DCDC2: variants seen among roughly 807,000 people sequenced by gnomAD.
DCDC2 encodes the protein doublecortin domain containing 2.
A neutral mutation model predicts 50.2 loss-of-function variants in DCDC2; 40 were observed. That is an observed-to-expected ratio of 0.80 (90% CI 0.62 to 1.04). The LOEUF (loss-of-function observed/expected upper bound fraction) is 1.04. DCDC2 is among the 50% of genes least tolerant of loss of function. DCDC2 has a pLI of 0.00. For synonymous variants in DCDC2, 234 were observed against 210.6 expected (o/e 1.11, Z -0.96); for missense variants, 570 against 581.9 (o/e 0.98, Z 0.21).
At chr6:24,190,772 T>G (rs2113750458) in intron 8 of DCDC2, among the ~76,000 whole-genome samples, 1 of 152,328 alleles carries the variant, frequency 6.6e-6, no homozygotes. Flanking sequence ...GAGCAATGTT[T>G]GTTAATGCCT....
chr6:24,283,669 G>A (rs1290960389), intron 6 of DCDC2, among the ~76,000 whole-genome samples: 1 of 152,142 alleles, frequency 6.6e-6, no homozygotes, highest in Non-Finnish European at 1.5e-5. Flanking sequence ...CCTCCTCGCA[G>A]TGCCAGGCAG....
At chr6:24,281,515 G>A in intron 6 of DCDC2, among the ~76,000 whole-genome samples, 1 of 148,350 alleles carries the variant, frequency 6.7e-6, no homozygotes, top group Non-Finnish European at 1.5e-5. Context: ...AAAAAGGAGG[G>A]TGAAGGGGGA....
At chr6:24,210,052 G>C (rs143231436) in intron 7 of DCDC2, among the ~76,000 whole-genome samples, 3,676 of 133,254 alleles carry the variant, frequency 0.028, 152 homozygotes, top group African/African-American at 0.094. Flanking sequence ...GTGTGTGTGT[G>C]TGTCTGTCTG....
intron 8 of DCDC2, among the ~76,000 whole-genome samples, chr6:24,202,187 C>T (rs1761604021): frequency 6.6e-6 from 1 of 150,438 alleles, no homozygotes; most frequent in Non-Finnish European, 1.5e-5. Context: ...AACAGAAGAA[C>T]ATTTCAGGCC....
At chr6:24,224,051 C>T (rs940663917) in intron 7 of DCDC2, among the ~76,000 whole-genome samples, 2 of 151,888 alleles carry the variant, frequency 1.3e-5, no homozygotes, top group African/African-American at 2.4e-5. Flanking sequence ...CACAGATTCC[C>T]GCCAACCCTC....
chr6:24,230,094 A>G (rs1762308225), intron 7 of DCDC2, among the ~76,000 whole-genome samples: 1 of 152,194 alleles, frequency 6.6e-6, no homozygotes, highest in African/African-American at 2.4e-5. Flanking sequence ...CTTAAAACAT[A>G]AAGTTTTTAA....
intron 2 of DCDC2, among the ~76,000 whole-genome samples, chr6:24,334,061 T>C (rs754591252): frequency 3.3e-4 from 50 of 152,322 alleles, no homozygotes; most frequent in Non-Finnish European, 1.6e-4. Flanking sequence ...TTCTAGTTTG[T>C]AGTTATTGCT....
chr6:24,232,738 T>G (rs1762362330), intron 7 of DCDC2, among the ~76,000 whole-genome samples: 2 of 152,036 alleles, frequency 1.3e-5, no homozygotes, highest in African/African-American at 4.8e-5. Context: ...AACATGGAGC[T>G]CTCTATAGCT....
chr6:24,189,043 G>C (rs562831343), intron 8 of DCDC2, among the ~76,000 whole-genome samples: 23 of 152,200 alleles, frequency 1.5e-4, no homozygotes, highest in African/African-American at 5.5e-4. Flanking sequence ...ATAAGTAATT[G>C]CTCGTAATAT....
At chr6:24,238,962 G>C (rs1018484840) in intron 7 of DCDC2, among the ~76,000 whole-genome samples, 3 of 152,170 alleles carry the variant, frequency 2.0e-5, no homozygotes, top group African/African-American at 4.8e-5. Flanking sequence ...AGCTTTAAAA[G>C]CTTTGTTGTA....
chr6:24,212,153 C>T (rs566961051), intron 7 of DCDC2, among the ~76,000 whole-genome samples: 1 of 152,292 alleles, frequency 6.6e-6, no homozygotes, highest in African/African-American at 2.4e-5. Flanking sequence ...GAGAGTCTAA[C>T]TAATGTCTCA....
At chr6:24,333,904 C>G (rs1330460458) in intron 2 of DCDC2, among the ~76,000 whole-genome samples, 2 of 152,076 alleles carry the variant, frequency 1.3e-5, no homozygotes, top group East Asian at 3.9e-4. Flanking sequence ...GGAGTTATAA[C>G]TGATGGGCAT....
At position 24,357,458 on chromosome 6, in the gene DCDC2, TTGAG is replaced by T. The variant is rs764351945; in HGVS notation, c.289_292del (p.Leu97IlefsTer5). 2.4e-5 allele frequency: 39 copies of T among 1,599,124 alleles called. No individual in the cohort carries two copies. Among genetic ancestry groups the T allele is most frequent in the Non-Finnish European group, 3.1e-5 (36 of 1,171,476 alleles). On this transcript the variant is annotated frameshift_variant and splice_region_variant, in exon 1 of 10. Coordinates refer to ENST00000378454, the MANE Select transcript of DCDC2 (RefSeq NM_016356.5). LOFTEE classifies it high-confidence loss of function. ...TGGGCGGTGGGGGAGACCGACTCAC[TTGAG>T]TTTCTTGAAGGCTTCCTGGCCTCCA... is the stretch of plus-strand genomic sequence containing the variant.
chr6:24,328,177 G>T (rs975428286), intron 2 of DCDC2, among the ~76,000 whole-genome samples: 1 of 152,192 alleles, frequency 6.6e-6, no homozygotes, highest in African/African-American at 2.4e-5. Context: ...AGGAAACTTG[G>T]TAAGCCCTAT....
At chr6:24,245,734 T>C (rs990052474) in intron 7 of DCDC2, among the ~76,000 whole-genome samples, 2 of 152,224 alleles carry the variant, frequency 1.3e-5, no homozygotes, top group African/African-American at 4.8e-5. Context: ...GAAAGAACAA[T>C]TTTAAAAGAG....
At chr6:24,187,691 C>T (rs190641198) in intron 8 of DCDC2, among the ~76,000 whole-genome samples, 29 of 152,282 alleles carry the variant, frequency 1.9e-4, no homozygotes, top group Admixed American at 5.2e-4. Context: ...ACCACTGACT[C>T]TGGATATTCG....
intron 1 of DCDC2, among the ~76,000 whole-genome samples, chr6:24,355,356 C>T (rs1239197815): frequency 6.6e-6 from 1 of 151,840 alleles, no homozygotes; most frequent in Admixed American, 6.6e-5. Flanking sequence ...AATTTTCAGC[C>T]GTTCAGAGAT....
intron 7 of DCDC2, among the ~76,000 whole-genome samples, chr6:24,213,246 T>C (rs1761909496): frequency 6.6e-6 from 1 of 152,204 alleles, no homozygotes; most frequent in Non-Finnish European, 1.5e-5. Flanking sequence ...TGTCCAGTTC[T>C]AAATACTTTA....
chr6:24,251,334 G>A (rs766912534), intron 7 of DCDC2, among the ~76,000 whole-genome samples: 2 of 152,174 alleles, frequency 1.3e-5, no homozygotes, highest in South Asian at 2.1e-4. Flanking sequence ...TTGAGAGCTT[G>A]CTGTGCTTTT....
Sources: allele counts gnomAD v4.1 joint callset (sites outside exome capture counted in the v4.1 genomes callset), GRCh38; gene constraint gnomAD v4.1.1; transcripts MANE v1.5; gene names NCBI Gene and HGNC (gene_info 2026-07-23, HGNC 2026-07-21).